IGF2R: variants seen among roughly 807,000 people sequenced by gnomAD.
IGF2R encodes the protein insulin like growth factor 2 receptor, also known as cation-independent mannose-6-phosphate receptor.
IGF2R carries 91 observed loss-of-function variants against 270.6 expected under a neutral mutation model. The ratio of observed to expected loss-of-function variants is 0.34; its 90% CI spans 0.28 to 0.40. The LOEUF (loss-of-function observed/expected upper bound fraction) is 0.40, where lower values mean the gene tolerates loss of function less well. IGF2R is among the 10% of genes least tolerant of loss of function. The probability of loss-of-function intolerance (pLI) is 1.00; values close to 1 mark genes in which losing one functional copy is unlikely to be tolerated. For missense variants in IGF2R, 2,805 were observed against 3,188.3 expected, an observed-to-expected ratio of 0.88 and a Z score of 2.90; for synonymous variants, 1,316 against 1,258.9, an observed-to-expected ratio of 1.05 and a Z score of -0.96.
At chr6:159,995,661 A>T (rs1238602628) in intron 2 of IGF2R, among the ~76,000 whole-genome samples, 1 of 151,984 alleles carries the variant, frequency 6.6e-6, no homozygotes, top group African/African-American at 2.4e-5. Flanking sequence ...TGAATTTTTC[A>T]TTTCTGGAAT....
Position 160,064,795 on chromosome 6 carries a change from CT to C in IGF2R, c.4018-3del. 1 of 1,599,010 alleles carries C rather than the reference CT, an allele frequency of 6.3e-7. No individual in the cohort carries two copies. The highest frequency in any genetic ancestry group is 8.6e-7 in the Non-Finnish European group (1 of 1,166,452). On this transcript the variant is annotated splice_region_variant and splice_polypyrimidine_tract_variant and intron_variant, in intron 28 of 47. Transcript: ENST00000356956. ...TCACTTTTATATATGTGCCTCTTAA[CT>C]TTTTTAGCCAGTATTTCTAAAGGAG...
chr6:160,030,163 G>GC (rs555174828), intron 7 of IGF2R, among the ~76,000 whole-genome samples: 32 of 152,274 alleles, frequency 2.1e-4, no homozygotes, highest in Non-Finnish European at 4.0e-4. Context: ...GAAATCTCCA[G>GC]CGCAGCTGTA....
rs767825795 is a variant in IGF2R, at chr6:160,089,194, T to C, written c.6408T>C (p.Asn2136=). 2 of 1,613,514 alleles carry C rather than the reference T, an allele frequency of 1.2e-6. No homozygotes were observed. Among genetic ancestry groups the C allele is most frequent in the Admixed American group, 1.7e-5 (1 of 60,004 alleles). The change falls in exon 43 of 48, where the codon AAT becomes AAC. Residue 2136 remains asparagine (N), a synonymous_variant. Coordinates refer to ENST00000356956, the MANE Select transcript of IGF2R (RefSeq NM_000876.4). The part of the protein sequence containing the change: ...AVKPQEVQMV[N]GTITNPINGK... Reference sequence around the variant, plus strand: ...AGCCTCAGGAGGTGCAGATGGTGAATGGGACCATCACCAACCCTATAAATG... The same window carrying C: ...AGCCTCAGGAGGTGCAGATGGTGAACGGGACCATCACCAACCCTATAAATG...
At chr6:160,030,128 T>A (rs529447873) in intron 7 of IGF2R, among the ~76,000 whole-genome samples, 1 of 152,318 alleles carries the variant, frequency 6.6e-6, no homozygotes, top group Admixed American at 6.5e-5. Context: ...CAGGCCAGTT[T>A]ATTGCTGTGC....
At position 160,084,548 on chromosome 6, in the gene IGF2R, T is replaced by C. The variant is rs1409022251; in HGVS notation, c.6068+364T>C. ...CAGGAGCTCCTTAGGCTTTGCTGGC[T>C]GGGGTCAGCCCATGGTCCTGACCAC... is the stretch of plus-strand genomic sequence containing the variant. On this transcript the variant is annotated intron_variant, in intron 40 of 47. Coordinates refer to ENST00000356956, the MANE Select transcript of IGF2R (RefSeq NM_000876.4). This position sits in a 1 kb window ranked among gnomAD's most constrained non-coding sequence, Gnocchi z 4.6. 6.6e-6 allele frequency among the ~76,000 whole-genome samples: 1 copy of C among 152,180 alleles called. No individual in the cohort carries two copies. Among genetic ancestry groups the C allele is most frequent in the South Asian group, 2.1e-4 (1 of 4,830 alleles).
At chr6:160,036,895 C>G (rs905489288) in intron 10 of IGF2R, among the ~76,000 whole-genome samples, 3 of 152,236 alleles carry the variant, frequency 2.0e-5, no homozygotes, top group Admixed American at 2.0e-4. Flanking sequence ...AAATCATGGG[C>G]CCAGAGGGAG....
At chr6:160,029,729 C>T (rs746401894) in intron 7 of IGF2R, 74 bp downstream of exon 7, 16 of 1,049,274 alleles carry the variant, frequency 1.5e-5, no homozygotes, top group Non-Finnish European at 2.3e-5. Context: ...CGTTTCTGGG[C>T]TTGGGGCAGG....
At position 160,103,809 on chromosome 6, in the gene IGF2R, C is replaced by A; in HGVS notation, c.7059C>A (p.Tyr2353Ter). The change falls in exon 47 of 48, where the codon TAC (tyrosine) becomes TAA (stop). Residue 2353 changes from tyrosine to a stop codon, truncating the protein, a stop_gained. Coordinates refer to ENST00000356956, the MANE Select transcript of IGF2R (RefSeq NM_000876.4). LOFTEE classifies it low-confidence loss of function (END_TRUNC). The part of the protein sequence containing the change: ...CRRSSNVSYK[Y>*]SKVNKEEETD... Reference sequence around the variant, plus strand: ...GAAGTTCCAACGTGTCCTACAAATACTCAAAGGTAATTTTCTGTGGCGAGT... The same window carrying A: ...GAAGTTCCAACGTGTCCTACAAATAATCAAAGGTAATTTTCTGTGGCGAGT... 1 of 1,607,394 alleles carries A rather than the reference C, an allele frequency of 6.2e-7. No homozygotes were observed. Among genetic ancestry groups the A allele is most frequent in the Non-Finnish European group, 8.5e-7 (1 of 1,173,918 alleles).
chr6:160,057,923 C>G, intron 20 of IGF2R, 100 bp from the exon 21 acceptor site: 1 of 706,514 alleles, frequency 1.4e-6, no homozygotes, highest in Non-Finnish European at 2.6e-6. Context: ...ACAGTTTTGT[C>G]AGGTGCATAC....
Position 160,045,055 on chromosome 6 carries a change from T to C in IGF2R, c.1765+398T>C, listed in dbSNP as rs999405021. On this transcript the variant is annotated intron_variant, in intron 13 of 47. Coordinates refer to ENST00000356956, the MANE Select transcript of IGF2R (RefSeq NM_000876.4). Reference sequence around the variant, plus strand: ...AATTTTCATTACCTTTATTTATAGATGTATGTTGTTTTTACCAAGTCAAAA... The same window carrying C: ...AATTTTCATTACCTTTATTTATAGACGTATGTTGTTTTTACCAAGTCAAAA... Among the ~76,000 whole-genome samples, 4 of 152,230 alleles carry C rather than the reference T, an allele frequency of 2.6e-5. No homozygotes were observed. In the East Asian group the frequency reaches 7.7e-4, roughly 29 times the overall value.
chr6:160,051,517 T>TCAAA (rs1778195305), intron 19 of IGF2R, among the ~76,000 whole-genome samples: 1 of 152,188 alleles, frequency 6.6e-6, no homozygotes, highest in South Asian at 2.1e-4. Flanking sequence ...TCTCAGCATG[T>TCAAA]CAAAGCACTG....
At chr6:160,073,525 G>C in intron 34 of IGF2R, 56 bp downstream of exon 34, 1 of 1,589,762 alleles carries the variant, frequency 6.3e-7, no homozygotes, top group African/African-American at 1.3e-5. Flanking sequence ...GCTGCACCCG[G>C]GCCCCTTCGT....
At chr6:160,005,801 C>T (rs1196749689) in intron 2 of IGF2R, 1 of 149,736 alleles carries the variant, frequency 6.7e-6, no homozygotes, top group African/African-American at 2.5e-5. Flanking sequence ...TCGAGCCTCC[C>T]TGGGTCCCCT....
intron 24 of IGF2R, 28 bp downstream of exon 24, chr6:160,061,674 C>T (rs752155367): frequency 1.4e-5 from 23 of 1,613,538 alleles, no homozygotes; most frequent in South Asian, 5.5e-5. Flanking sequence ...TCTTGATTGG[C>T]GTCTGTTCAT....
chr6:159,985,118 T>C (rs1362881852), intron 1 of IGF2R, among the ~76,000 whole-genome samples: 1 of 151,974 alleles, frequency 6.6e-6, no homozygotes, highest in Non-Finnish European at 1.5e-5. Flanking sequence ...TGGTTGGCAA[T>C]ATAATAGGAA....
At chr6:160,053,621 T>C (rs540899116) in intron 19 of IGF2R, among the ~76,000 whole-genome samples, 1 of 152,250 alleles carries the variant, frequency 6.6e-6, no homozygotes, top group South Asian at 2.1e-4. Context: ...GGGTAAAATA[T>C]ATATAACATT....
intron 26 of IGF2R, 90 bp downstream of exon 26, chr6:160,062,709 A>C (rs1583286571): frequency 2.0e-5 from 18 of 895,020 alleles, no homozygotes. Flanking sequence ...CCGTGTGATA[A>C]CAGCCATAGC....
At chr6:160,076,503 A>T (rs1244550245) in intron 36 of IGF2R, among the ~76,000 whole-genome samples, 1 of 152,186 alleles carries the variant, frequency 6.6e-6, no homozygotes, top group African/African-American at 2.4e-5. Flanking sequence ...TTCCATTATA[A>T]TGAGTTCGGT....
At chr6:159,999,129 C>T (rs1306459288) in intron 2 of IGF2R, among the ~76,000 whole-genome samples, 1 of 152,142 alleles carries the variant, frequency 6.6e-6, no homozygotes, top group Non-Finnish European at 1.5e-5. Flanking sequence ...CAAGAAGTCA[C>T]GAGATGGGAT....
Sources: allele counts gnomAD v4.1 joint callset (sites outside exome capture counted in the v4.1 genomes callset), GRCh38; gene constraint gnomAD v4.1.1; non-coding constraint Gnocchi (gnomAD v3.1); transcripts MANE v1.5; gene names NCBI Gene and HGNC (gene_info 2026-07-23, HGNC 2026-07-21).